The following OGFOD2 variants were observed in gnomAD, a reference collection of about 807,000 sequenced individuals.
The protein encoded by OGFOD2 is 2-oxoglutarate and iron dependent oxygenase domain containing 2.
A neutral mutation model predicts 31.1 loss-of-function variants in OGFOD2; 34 were observed. That is an observed-to-expected ratio of 1.09 (90% confidence interval 0.83 to 1.45). The LOEUF (loss-of-function observed/expected upper bound fraction) is 1.45. Ranked by LOEUF, OGFOD2 falls within the 40% of genes most tolerant of loss-of-function variation. OGFOD2 has a pLI of 0.00. For synonymous variants in OGFOD2, 240 were observed against 192.3 expected, an observed-to-expected ratio of 1.25 and a Z score of -2.05; for missense variants, 537 against 433.9, an observed-to-expected ratio of 1.24 and a Z score of -2.11.
chr12:122,975,456 G>A (rs1208700373), intron 1 of OGFOD2, 73 bp downstream of exon 1: 3 of 613,770 alleles, frequency 4.9e-6, no homozygotes, highest in Non-Finnish European at 8.8e-6. Context: ...TCGTCCCCAG[G>A]GTCGTTTGCT....
chr12:122,976,719 C>T (rs762707989), exon 3 of OGFOD2: 10 of 1,613,714 alleles, frequency 6.2e-6, no homozygotes, highest in Middle Eastern at 1.6e-4. Context: ...AAGCCCTCAT[C>T]GCGAGTTCCT....
At chr12:122,976,938 A>T (rs770299438) in exon 4 of OGFOD2, 1 of 1,613,826 alleles carries the variant, frequency 6.2e-7, no homozygotes, top group Non-Finnish European at 8.5e-7. Flanking sequence ...GCAGACCTCA[A>T]GGGCCTTCTC....
At chr12:122,978,549 A>G in exon 5 of OGFOD2, 1 of 1,613,310 alleles carries the variant, frequency 6.2e-7, no homozygotes. Flanking sequence ...GGGGAGGCCC[A>G]ACACCATGAA....
chr12:122,976,529 G>A (rs996873347), intron 2 of OGFOD2, 125 bp from the exon 3 acceptor site: 28 of 1,313,524 alleles, frequency 2.1e-5, no homozygotes, highest in Non-Finnish European at 2.6e-5. Flanking sequence ...AGATTCAGGA[G>A]TGTAGGCTAG....
exon 7 of OGFOD2, chr12:122,979,452 C>T (rs61546241): frequency 1.5e-4 from 206 of 1,354,636 alleles, no homozygotes; most frequent in African/African-American, 1.4e-3. Flanking sequence ...CTTGGCTCAA[C>T]GGTGTGCCAG....
chr12:122,976,530 T>G (rs1026998309), intron 2 of OGFOD2, 124 bp from the exon 3 acceptor site: 6 of 1,312,838 alleles, frequency 4.6e-6, no homozygotes, highest in Non-Finnish European at 6.5e-6. Flanking sequence ...GATTCAGGAG[T>G]GTAGGCTAGA....
chr12:122,976,681 C>T (rs768726897), exon 3 of OGFOD2: 24 of 1,612,286 alleles, frequency 1.5e-5, no homozygotes, highest in African/African-American at 2.7e-5. Flanking sequence ...GCGGCGGCAG[C>T]GGCTGGGGCA....
rs1236609900 is a variant in OGFOD2 at position 122,978,252 on chromosome 12, C to T, written c.404-190C>T. On this transcript the variant is annotated intron_variant, in intron 4 of 6. Coordinates refer to ENST00000228922, the Ensembl canonical transcript of OGFOD2. ...CACTTGTAGAGTCTGGGGAAAGGTT[C>T]CGGGCATAAGTGGGGGGCATGGGAA... 4.7e-6 allele frequency: 3 copies of T among 638,660 alleles called. No homozygotes were observed. In the South Asian group the frequency reaches 5.8e-5, roughly 12 times the overall value. 39.6% of individuals were successfully genotyped at this position (638,660 alleles called of 1,614,324 possible). A position where few individuals can be genotyped will look rare whatever the true frequency, so the allele number is the denominator to read the frequency against.
rs773108329 is a variant in OGFOD2, at chr12:122,978,977, AG to A, written c.761del (p.Gly254AlafsTer15). ...ATGTGGCCTTGGGCAAGGTCTTCAC[AG>A]GGGGCGCCCTGTATTTTGGGGGCCT... On this transcript the variant is annotated frameshift_variant, in exon 6 of 7. Coordinates refer to ENST00000228922, the Ensembl canonical transcript of OGFOD2. LOFTEE classifies it high-confidence loss of function. 1 of 1,613,070 alleles carries A rather than the reference AG, an allele frequency of 6.2e-7. No individual in the cohort carries two copies. Among genetic ancestry groups the A allele is most frequent in the South Asian group, 1.1e-5 (1 of 91,082 alleles).
At chr12:122,974,880 G>T (rs181350670), upstream of OGFOD2, 85 of 181,830 alleles carry the variant, frequency 4.7e-4, no homozygotes, top group East Asian at 0.01. Context: ...TCCTCAGCTC[G>T]GCTGGTTCTC....
exon 6 of OGFOD2, chr12:122,978,964 G>A (rs540758439): frequency 3.7e-6 from 6 of 1,613,274 alleles, no homozygotes; most frequent in Non-Finnish European, 5.1e-6. Context: ...GTGGCCTTGG[G>A]CAAGGTCTTC....
chr12:122,979,822 A>T (rs538771232), exon 7 of OGFOD2: 7 of 206,972 alleles, frequency 3.4e-5, no homozygotes, highest in Admixed American at 2.4e-4. Context: ...CCCCCAGTGG[A>T]CTCGGGTGGG....
chr12:122,978,876 GCCTT>G lies in OGFOD2; in HGVS notation c.656_659del (p.Ala219ValfsTer49), dbSNP rs2037520618. 1 of 1,612,368 alleles carries G rather than the reference GCCTT, an allele frequency of 6.2e-7. No individual in the cohort carries two copies. The highest frequency in any genetic ancestry group is 2.2e-5 in the East Asian group (1 of 44,864). On this transcript the variant is annotated frameshift_variant, in exon 6 of 7. Transcript: ENST00000228922. LOFTEE classifies it high-confidence loss of function. ...CGGGGGCCGGCTCGACAGCCACCGG[GCCTT>G]TGTGGTCAAATACGCACCGGGCCAG...
rs2037473226 is a variant in OGFOD2, at chr12:122,977,686, G to A, written c.403+716G>A. On this transcript the variant is annotated intron_variant, in intron 4 of 6. Transcript: ENST00000228922. The stretch of plus-strand genomic sequence containing the variant: ...AGTGTTTCCTATTCTTATTGGCACT[G>A]ATAGCCTGGGCTAGGGGCTCCTGTG... The A allele has an allele frequency of 2.6e-5, 4 of 155,036 alleles. No individual in the cohort carries two copies. The South Asian group carries it at 7.9e-4, about 31-fold the overall frequency. The allele number at this position is 155,036 out of a possible 1,614,324, so 9.6% of individuals were successfully genotyped here.
chr12:122,975,343 G>C, exon 1 of OGFOD2: 1 of 701,736 alleles, frequency 1.4e-6, no homozygotes, highest in South Asian at 1.5e-5. Flanking sequence ...CTGCACGTGC[G>C]CTTCCGAGGC....
chr12:122,977,463 C>A, intron 4 of OGFOD2: 1 of 210,748 alleles, frequency 4.7e-6, no homozygotes, highest in Non-Finnish European at 9.8e-6. Context: ...CTTCGGATTT[C>A]TTGCTGGGCT....
Position 122,978,545 on chromosome 12 carries a change from GCCCAACA to G in OGFOD2, c.510_516del (p.Asn171Ter). 6.2e-7 allele frequency: 1 copy of G among 1,613,388 alleles called. No homozygotes were observed. The highest frequency in any genetic ancestry group is 2.2e-5 in the East Asian group (1 of 44,886). On this transcript the variant is annotated frameshift_variant, in exon 5 of 7. Transcript: ENST00000228922. LOFTEE classifies it high-confidence loss of function. ...AGCAATCGGACATGCCTAAGGGGAGGCCCAACACCATGAACAACTACGGGGTGGGTGA... is the reference window on the plus strand; with the variant it reads ...AGCAATCGGACATGCCTAAGGGGAGGCCATGAACAACTACGGGGTGGGTGA...
chr12:122,977,173 T>A (rs1441039299), intron 4 of OGFOD2: 3 of 629,570 alleles, frequency 4.8e-6, no homozygotes, highest in Non-Finnish European at 8.7e-6. Flanking sequence ...CCTGGTATCT[T>A]CATTCTTTCC....
chr12:122,977,281 A>C (rs2037463299), intron 4 of OGFOD2: 1 of 397,932 alleles, frequency 2.5e-6, no homozygotes, highest in Admixed American at 3.5e-5. Context: ...CAAGATCTTA[A>C]AGGGACCATT....
Sources: allele counts gnomAD v4.1 joint callset, GRCh38; gene constraint gnomAD v4.1.1; transcripts MANE v1.5; gene names NCBI Gene and HGNC (gene_info 2026-07-23, HGNC 2026-07-21).